The following CMYA5 variants were observed in gnomAD, a reference collection of about 807,000 sequenced individuals.
CMYA5 encodes the protein cardiomyopathy-associated protein 5.
CMYA5 carries 246 observed loss-of-function variants against 318.9 expected under a neutral mutation model. The observed-to-expected ratio is 0.77, with a 90% CI of 0.70 to 0.86. The LOEUF (loss-of-function observed/expected upper bound fraction) is 0.86. CMYA5 is among the 40% of genes least tolerant of loss of function. The pLI is 0.00. For missense variants in CMYA5, 4,589 were observed against 4,678.2 expected (o/e 0.98, Z 0.56); for synonymous variants, 1,641 against 1,729.5 (o/e 0.95, Z 1.27).
At position 79,736,119 on chromosome 5, in the gene CMYA5, A is replaced by G; in HGVS notation, c.7354A>G (p.Ser2452Gly). 1 of 1,613,666 alleles carries G rather than the reference A, an allele frequency of 6.2e-7. No individual in the cohort carries two copies. Among genetic ancestry groups the G allele is most frequent in the Non-Finnish European group, 8.5e-7 (1 of 1,179,742 alleles). The change falls in exon 2 of 13, where the codon AGT becomes GGT. Residue 2452 changes from serine (S) to glycine (G), a missense_variant. Ser to Gly is a moderately conservative substitution (Grantham distance 56, BLOSUM62 0). This residue lies in a region of CMYA5 where 2,431 missense variants were observed against 2,495.1 expected (regional missense o/e 0.97). Coordinates refer to ENST00000446378, the MANE Select transcript of CMYA5 (RefSeq NM_153610.5). ...SEEETKLRSV[S>G]PTEKKDNLEN... is the part of the protein sequence containing the mutation. ...AGAGGAAACAAAACTCAGGTCTGTT[A>G]GTCCAACTGAGAAGAAAGATAATTT...
At chr5:79,707,144 A>G (rs1375987277) in intron 1 of CMYA5, among the ~76,000 whole-genome samples, 1 of 152,188 alleles carries the variant, frequency 6.6e-6, no homozygotes, top group East Asian at 1.9e-4. Flanking sequence ...ATTTGAATAC[A>G]TTTCAGGGTC....
intron 1 of CMYA5, among the ~76,000 whole-genome samples, chr5:79,695,328 CAGAA>C (rs1323576577): frequency 1.3e-5 from 2 of 152,142 alleles, no homozygotes; most frequent in Admixed American, 6.5e-5. Context: ...TTTTAAAAAG[CAGAA>C]AGAAACAAGT....
chr5:79,797,078 C>T (rs987710196), intron 12 of CMYA5, among the ~76,000 whole-genome samples: 22 of 152,226 alleles, frequency 1.4e-4, no homozygotes, highest in African/African-American at 4.8e-4. Context: ...CCTGTACATA[C>T]TAATGATCAC....
At chr5:79,700,250 A>G (rs1827148692) in intron 1 of CMYA5, among the ~76,000 whole-genome samples, 1 of 152,230 alleles carries the variant, frequency 6.6e-6, no homozygotes, top group Admixed American at 6.5e-5. Context: ...GGCTTTAGTG[A>G]CAACACTGCC....
chr5:79,799,344 A>G lies in CMYA5; in HGVS notation c.11964-26A>G, dbSNP rs759409002. 19 of 1,579,594 alleles carry G rather than the reference A, an allele frequency of 1.2e-5. No homozygotes were observed. The South Asian group carries it at 2.2e-4, about 18-fold the overall frequency. On this transcript the variant is annotated intron_variant, in intron 12 of 12. Transcript: ENST00000446378. The stretch of plus-strand genomic sequence containing the variant: ...AATTCCTTGAGATTTCCAGAGTTTT[A>G]TGTTTCCCATTCGCTTTCATTTCAG...
intron 1 of CMYA5, among the ~76,000 whole-genome samples, chr5:79,719,408 A>G (rs1296743555): frequency 6.6e-6 from 1 of 152,184 alleles, no homozygotes; most frequent in African/African-American, 2.4e-5. Flanking sequence ...GGAAACAGGA[A>G]TTTTTGGCAT....
chr5:79,718,608 C>T (rs1827564257), intron 1 of CMYA5, among the ~76,000 whole-genome samples: 1 of 152,012 alleles, frequency 6.6e-6, no homozygotes, highest in South Asian at 2.1e-4. Flanking sequence ...TAATTATATT[C>T]CTATAAAGAA....
Position 79,763,205 on chromosome 5 carries a change from C to G in CMYA5, c.11551C>G (p.Leu3851Val). 6.2e-7 allele frequency: 1 copy of G among 1,601,116 alleles called. No individual in the cohort carries two copies. Among genetic ancestry groups the G allele is most frequent in the Non-Finnish European group, 8.5e-7 (1 of 1,175,010 alleles). ...CRQHSPEGEG[L>V]RSFSGIKGLQ... ...ACAGCACTCTCCTGAGGGAGAGGGC[C>G]TCAGGTGAGGGGCCCTCTCCATGGG... The change falls in exon 9 of 13, where the codon CTC (leucine) becomes GTC (valine). Residue 3851 changes from leucine (L) to valine (V), a missense_variant. Physicochemically the swap from Leu to Val is conservative, Grantham distance 32. Transcript: ENST00000446378.
At chr5:79,711,400 G>A (rs536887108) in intron 1 of CMYA5, among the ~76,000 whole-genome samples, 6 of 152,270 alleles carry the variant, frequency 3.9e-5, no homozygotes, top group African/African-American at 1.4e-4. Flanking sequence ...CACTAAAGGT[G>A]GTACAGAGAG....
chr5:79,791,016 C>T lies in CMYA5; in HGVS notation c.11736C>T (p.His3912=). ...LLRETAHPAL[H]ISSSGTVISF... ...GAGAAACAGCTCATCCTGCTCTACA[C>T]ATTTCCTCAAGTGGGACAGTGATCA... The change falls in exon 11 of 13, where the codon CAC becomes CAT. Residue 3912 remains histidine, a synonymous_variant. Coordinates refer to ENST00000446378, the MANE Select transcript of CMYA5 (RefSeq NM_153610.5). 5 of 1,613,892 alleles carry T rather than the reference C, an allele frequency of 3.1e-6. No individual in the cohort carries two copies. Among genetic ancestry groups the T allele is most frequent in the Non-Finnish European group, 4.2e-6 (5 of 1,179,826 alleles).
At chr5:79,690,438 C>T (rs1361416498) in intron 1 of CMYA5, among the ~76,000 whole-genome samples, 1 of 152,138 alleles carries the variant, frequency 6.6e-6, no homozygotes, top group Non-Finnish European at 1.5e-5. Context: ...TGAAGGCGCA[C>T]TGGTACCTTC....
intron 1 of CMYA5, among the ~76,000 whole-genome samples, chr5:79,708,060 C>T (rs144825644): frequency 6.6e-6 from 1 of 152,258 alleles, no homozygotes; most frequent in East Asian, 1.9e-4. Flanking sequence ...CCTAATGACC[C>T]CAGCTATTAA....
Position 79,735,963 on chromosome 5 carries a change from A to G in CMYA5, c.7198A>G (p.Ile2400Val), listed in dbSNP as rs1236652889. ...TTCCTCCAACTTTGCAAGTAAAAAT[A>G]TCACAAAGGAATCAGAGAAACCAGA... ...SASSNFASKN[I>V]TKESEKPESI... Residue 2400 changes from isoleucine to valine, a missense_variant, in exon 2 of 13, where the codon ATC becomes GTC. Transcript: ENST00000446378. 2 of 1,612,662 alleles carry G rather than the reference A, an allele frequency of 1.2e-6. No homozygotes were observed. Among genetic ancestry groups the G allele is most frequent in the East Asian group, 2.2e-5 (1 of 44,872 alleles).
chr5:79,787,856 G>A (rs4703789), intron 9 of CMYA5, among the ~76,000 whole-genome samples: 26,498 of 151,862 alleles, frequency 0.17, 2,747 homozygotes, highest in Admixed American at 0.31. Context: ...ACATTTTTTC[G>A]TTTTTCTGGT....
At position 79,738,705 on chromosome 5, in the gene CMYA5, G is replaced by T. The variant is rs185593612; in HGVS notation, c.9940G>T (p.Val3314Phe). 6.2e-7 allele frequency: 1 copy of T among 1,613,834 alleles called. No individual in the cohort carries two copies. Among genetic ancestry groups the T allele is most frequent in the Non-Finnish European group, 8.5e-7 (1 of 1,179,858 alleles). ...EGESVDHVET[V>F]GNVAMQKKAP... Reference sequence around the variant, plus strand: ...AGAATCAGTAGACCATGTGGAGACCGTTGGTAACGTAGCGATGCAGAAGAA... The same window carrying T: ...AGAATCAGTAGACCATGTGGAGACCTTTGGTAACGTAGCGATGCAGAAGAA... The change falls in exon 2 of 13, where the codon GTT becomes TTT. Residue 3314 changes from valine (V) to phenylalanine (F), a missense_variant. Transcript: ENST00000446378.
rs761795265 is a variant in CMYA5, at chr5:79,793,589, T to G, written c.11942T>G (p.Met3981Arg). Residue 3981 changes from methionine to arginine, a missense_variant, in exon 12 of 13, where the codon ATG (methionine) becomes AGG (arginine). This residue lies in a region of CMYA5 where 2,431 missense variants were observed against 2,495.1 expected (regional missense o/e 0.97). Coordinates refer to ENST00000446378, the MANE Select transcript of CMYA5 (RefSeq NM_153610.5). ...GGACAAGGGGAGACCTCATGGTACA[T>G]GCACTGCTCTGAGCCACAGAGGTAA... The part of the protein sequence containing the change: ...ALGQGETSWY[M>R]HCSEPQRYTF... 6.2e-7 allele frequency: 1 copy of G among 1,610,028 alleles called. No homozygotes were observed. Among genetic ancestry groups the G allele is most frequent in the South Asian group, 1.1e-5 (1 of 90,830 alleles).
At chr5:79,745,569 A>G (rs1828307092) in intron 4 of CMYA5, 114 bp downstream of exon 4, 6 of 741,350 alleles carry the variant, frequency 8.1e-6, no homozygotes, top group Admixed American at 5.4e-5. Flanking sequence ...TGTGGGATTT[A>G]TATAATTCTG....
intron 2 of CMYA5, among the ~76,000 whole-genome samples, chr5:79,741,412 T>C (rs1406784386): frequency 6.6e-6 from 1 of 152,206 alleles, no homozygotes; most frequent in Non-Finnish European, 1.5e-5. Flanking sequence ...AATATGATCA[T>C]TCAATTAGGT....
At chr5:79,695,309 A>G (rs1827046312) in intron 1 of CMYA5, among the ~76,000 whole-genome samples, 1 of 152,240 alleles carries the variant, frequency 6.6e-6, no homozygotes, top group Non-Finnish European at 1.5e-5. Context: ...AAATTTTCTA[A>G]TAGCCACATT....
Sources: allele counts gnomAD v4.1 joint callset (sites outside exome capture counted in the v4.1 genomes callset), GRCh38; gene constraint gnomAD v4.1.1; regional missense constraint gnomAD v4.1.1; transcripts MANE v1.5; gene names NCBI Gene and HGNC (gene_info 2026-07-23, HGNC 2026-07-21).